The following KCNJ6 variants were observed in gnomAD, a reference collection of about 807,000 sequenced individuals.
KCNJ6 encodes G protein-activated inward rectifier potassium channel 2.
A neutral mutation model predicts 34.2 loss-of-function variants in KCNJ6; 9 were observed. The observed-to-expected ratio is 0.26, with a 90% CI of 0.16 to 0.46. KCNJ6 has a LOEUF of 0.46. Ranked by LOEUF, KCNJ6 falls within the 20% of genes least tolerant of loss-of-function variation. The pLI is 1.00. For synonymous variants in KCNJ6, 196 were observed against 207.1 expected, an observed-to-expected ratio of 0.95 and a Z score of 0.46; for missense variants, 236 against 531.3, an observed-to-expected ratio of 0.44 and a Z score of 5.46.
chr21:37,642,603 A>G (rs1026665908), intron 3 of KCNJ6, among the ~76,000 whole-genome samples: 17 of 152,012 alleles, frequency 1.1e-4, no homozygotes, highest in African/African-American at 3.9e-4. Context: ...CTGACCCCGA[A>G]GATAGGGGAG....
intron 1 of KCNJ6, among the ~76,000 whole-genome samples, chr21:37,856,958 T>C (rs1034011947): frequency 1.3e-5 from 2 of 152,170 alleles, no homozygotes; most frequent in African/African-American, 4.8e-5. Context: ...ATGGTATCCC[T>C]AATATTTTAA....
chr21:37,667,973 C>T (rs1296257497), intron 3 of KCNJ6, among the ~76,000 whole-genome samples: 1 of 152,130 alleles, frequency 6.6e-6, no homozygotes, highest in Non-Finnish European at 1.5e-5. Flanking sequence ...CTTAAAAGCG[C>T]AGGGGCCTGG....
rs2055623409 is a variant in KCNJ6 at position 37,866,490 on chromosome 21, AC to A, written c.-27-25782del. 3.3e-5 allele frequency among the ~76,000 whole-genome samples: 5 copies of A among 152,230 alleles called. No homozygotes were observed. The South Asian group carries it at 8.3e-4, about 25-fold the overall frequency. ...GGTTCTTCACTGAACCAGGAGCCCG[AC>A]CTTTCACATACTTTTGTGCAGCTTT... is the stretch of plus-strand genomic sequence containing the variant. On this transcript the variant is annotated intron_variant, in intron 1 of 3. Transcript: ENST00000609713.
intron 2 of KCNJ6, among the ~76,000 whole-genome samples, chr21:37,783,439 G>A (rs1285536532): frequency 6.6e-6 from 1 of 152,070 alleles, no homozygotes; most frequent in Admixed American, 6.6e-5. Flanking sequence ...TTCCACTTTT[G>A]CATCTTCCTC....
rs2054282738 is a variant in KCNJ6 at position 37,619,213 on chromosome 21, G to GTT, written c.*5945_*5946insAA. On this transcript the variant is annotated 3_prime_UTR_variant, in exon 4 of 4. Transcript: ENST00000609713. ...TTTTCCATAGAACTAAAAAGATAAG[G>GTT]AACCTAGCTTGGCTGACTACCTCTG... 1 of 152,068 alleles carries GTT rather than the reference G, an allele frequency of 6.6e-6. No homozygotes were observed. Among genetic ancestry groups the GTT allele is most frequent in the East Asian group, 1.9e-4 (1 of 5,186 alleles). The allele number at this position is 152,068 out of a possible 1,614,324, so 9.4% of individuals were successfully genotyped here.
intron 3 of KCNJ6, among the ~76,000 whole-genome samples, chr21:37,686,818 T>G (rs2054617897): frequency 6.6e-6 from 1 of 151,986 alleles, no homozygotes; most frequent in South Asian, 2.1e-4. Context: ...CCTGTGCATT[T>G]ATTTGGTCAT....
rs8126785 is a variant in KCNJ6, at chr21:37,857,269, G to A, written c.-27-16560C>T. On this transcript the variant is annotated intron_variant, in intron 1 of 3. Coordinates refer to ENST00000609713, the MANE Select transcript of KCNJ6 (RefSeq NM_002240.5). ...CAGCAGAAATTGGGCCAGGATAAAG[G>A]TGGTGAGTGAGAAACGATGCCTAGC... Among the ~76,000 whole-genome samples the A allele has an allele frequency of 6.8e-3, 1,036 of 152,304 alleles. 8 individuals carry two copies. The highest frequency in any genetic ancestry group is 0.024 in the African/African-American group (985 of 41,568).
At chr21:37,729,338 G>C (rs957157292) in intron 2 of KCNJ6, among the ~76,000 whole-genome samples, 29 of 151,910 alleles carry the variant, frequency 1.9e-4, no homozygotes, top group Admixed American at 1.2e-3. Context: ...TCTTTTTGGG[G>C]GGGGGGGCAG....
intron 2 of KCNJ6, among the ~76,000 whole-genome samples, chr21:37,836,790 A>C (rs1482213881): frequency 6.6e-6 from 1 of 152,132 alleles, no homozygotes; most frequent in Non-Finnish European, 1.5e-5. Flanking sequence ...CCTAATGTAG[A>C]TGATGGGTTG....
At chr21:37,717,430 G>A (rs2054798859) in intron 2 of KCNJ6, among the ~76,000 whole-genome samples, 1 of 151,474 alleles carries the variant, frequency 6.6e-6, no homozygotes, top group African/African-American at 2.4e-5. Context: ...AGATGGGGTG[G>A]GTGTATGGAT....
At chr21:37,909,175 T>C (rs1415242670) in intron 1 of KCNJ6, among the ~76,000 whole-genome samples, 1 of 152,150 alleles carries the variant, frequency 6.6e-6, no homozygotes, top group Non-Finnish European at 1.5e-5. Flanking sequence ...ATCAACCAAT[T>C]AGATTTATGT....
intron 1 of KCNJ6, among the ~76,000 whole-genome samples, chr21:37,892,059 C>A (rs1047840387): frequency 1.3e-5 from 2 of 152,204 alleles, no homozygotes; most frequent in African/African-American, 4.8e-5. Flanking sequence ...TCTTGTGATT[C>A]TTCTTTAAAT....
At chr21:37,889,329 AT>A (rs1232412837) in intron 1 of KCNJ6, among the ~76,000 whole-genome samples, 1 of 152,158 alleles carries the variant, frequency 6.6e-6, no homozygotes, top group Non-Finnish European at 1.5e-5. Context: ...TCATTTTATG[AT>A]AAGAAACGAG....
At chr21:37,668,567 T>C (rs1008544) in intron 3 of KCNJ6, among the ~76,000 whole-genome samples, 72,974 of 151,972 alleles carry the variant, frequency 0.48, 18,347 homozygotes, top group African/African-American at 0.64. Flanking sequence ...TGCTGAGGTA[T>C]GGGGGGTTAG....
At chr21:37,823,422 T>A (rs1462963967) in intron 2 of KCNJ6, among the ~76,000 whole-genome samples, 1 of 152,178 alleles carries the variant, frequency 6.6e-6, no homozygotes, top group Non-Finnish European at 1.5e-5. Flanking sequence ...TTTGGCTTTG[T>A]GTCCCCACCC....
chr21:37,658,137 C>T (rs2054472628), intron 3 of KCNJ6, among the ~76,000 whole-genome samples: 1 of 149,302 alleles, frequency 6.7e-6, no homozygotes, highest in South Asian at 2.1e-4. Flanking sequence ...GCAGTAAGGG[C>T]TCAATTAACT....
intron 3 of KCNJ6, among the ~76,000 whole-genome samples, chr21:37,687,633 A>G (rs858013): frequency 0.14 from 20,830 of 152,056 alleles, 1,834 homozygotes; most frequent in East Asian, 0.39. Context: ...GTTGCTCTCA[A>G]TGTGCCTGTT....
intron 3 of KCNJ6, among the ~76,000 whole-genome samples, chr21:37,676,218 T>C (rs186130631): frequency 6.6e-6 from 1 of 152,248 alleles, no homozygotes; most frequent in East Asian, 1.9e-4. Context: ...GACTGACCTT[T>C]GGGTCAGCGG....
intron 1 of KCNJ6, among the ~76,000 whole-genome samples, chr21:37,914,907 A>G (rs1226923761): frequency 7.6e-6 from 1 of 131,544 alleles, no homozygotes; most frequent in African/African-American, 3.7e-5. Context: ...CAAACACTGG[A>G]GTTGTGGGGT....
Sources: allele counts gnomAD v4.1 joint callset (sites outside exome capture counted in the v4.1 genomes callset), GRCh38; gene constraint gnomAD v4.1.1; transcripts MANE v1.5; gene names NCBI Gene and HGNC (gene_info 2026-07-23, HGNC 2026-07-21).